Variants in UBE2L3 observed in about 807,000 individuals in gnomAD.
The protein encoded by UBE2L3 is ubiquitin-conjugating enzyme E2 L3.
UBE2L3 carries 1 observed loss-of-function variant against 17.8 expected under a neutral mutation model. The ratio of observed to expected loss-of-function variants is 0.06; its 90% CI spans 0.02 to 0.27. UBE2L3 has a LOEUF of 0.27. Among genes scored for constraint, UBE2L3 ranks in the 10% least tolerant of loss-of-function variants. The probability of loss-of-function intolerance (pLI) is 1.00; values close to 1 mark genes in which losing one functional copy is unlikely to be tolerated. For synonymous variants in UBE2L3, 44 were observed against 68.5 expected, an observed-to-expected ratio of 0.64 and a Z score of 1.76; for missense variants, 40 against 192.6, an observed-to-expected ratio of 0.21 and a Z score of 4.69.
At chr22:21,572,647 C>G (rs946452359) in intron 1 of UBE2L3, among the ~76,000 whole-genome samples, 1 of 152,076 alleles carries the variant, frequency 6.6e-6, no homozygotes, top group East Asian at 1.9e-4. Context: ...CATTTCTTTG[C>G]AGCTTCACAC....
intron 1 of UBE2L3, among the ~76,000 whole-genome samples, chr22:21,590,100 A>G (rs1215786335): frequency 6.6e-6 from 1 of 152,144 alleles, no homozygotes; most frequent in Non-Finnish European, 1.5e-5. Context: ...AGCAAGATAC[A>G]GTTTTTCACT....
upstream of UBE2L3, chr22:21,567,709 G>A (rs372195361): frequency 5.1e-6 from 8 of 1,570,912 alleles, no homozygotes; most frequent in Admixed American, 3.9e-5. Context: ...GGCCGGCCGC[G>A]ATGCATTCTG....
At chr22:21,555,658 G>T (rs759189429) in intron 1 of UBE2L3, among the ~76,000 whole-genome samples, 52 of 151,722 alleles carry the variant, frequency 3.4e-4, no homozygotes, top group Non-Finnish European at 6.5e-4. Flanking sequence ...TAGGCTGGGC[G>T]CTGTGACTCA....
intron 1 of UBE2L3, among the ~76,000 whole-genome samples, chr22:21,555,638 T>A (rs549528925): frequency 6.8e-6 from 1 of 147,358 alleles, no homozygotes; most frequent in Non-Finnish European, 1.5e-5. Flanking sequence ...AAAAAAAAAT[T>A]TTTTTTTTGT....
At position 21,604,950 on chromosome 22, in the gene UBE2L3, C is replaced by T. The variant is rs116282136; in HGVS notation, c.124-5907C>T. On this transcript the variant is annotated intron_variant, in intron 2 of 3. Coordinates refer to ENST00000342192, the MANE Select transcript of UBE2L3 (RefSeq NM_003347.4). ...CAGAACTGCTTCTTTTTTTTCCTTC[C>T]TCTTTTTGGAAGAAAAAAGAGGCAG... 8.0e-3 allele frequency among the ~76,000 whole-genome samples: 1,221 copies of T among 152,202 alleles called. 18 individuals carry two copies. The highest frequency in any genetic ancestry group is 0.027 in the African/African-American group (1,137 of 41,524).
intron 1 of UBE2L3, among the ~76,000 whole-genome samples, chr22:21,556,608 TTTTTTC>T (rs1926234717): frequency 1.3e-5 from 2 of 150,564 alleles, no homozygotes; most frequent in African/African-American, 5.0e-5. Flanking sequence ...TTTTCTTTTC[TTTTTTC>T]TTTTTTTTTT....
intron 3 of UBE2L3, among the ~76,000 whole-genome samples, chr22:21,615,914 T>C (rs888100376): frequency 7.9e-5 from 12 of 152,304 alleles, no homozygotes; most frequent in African/African-American, 2.4e-4. Flanking sequence ...GTGATTTTGC[T>C]TTGGCCCCAA....
chr22:21,598,425 G>A (rs1928672520), intron 2 of UBE2L3, among the ~76,000 whole-genome samples: 1 of 150,454 alleles, frequency 6.6e-6, no homozygotes, highest in South Asian at 2.1e-4. Context: ...AATTTCCCTT[G>A]TGATTTCTTC....
chr22:21,552,846 C>T (rs1926119737), intron 1 of UBE2L3, among the ~76,000 whole-genome samples: 1 of 130,690 alleles, frequency 7.7e-6, no homozygotes, highest in Non-Finnish European at 1.6e-5. Context: ...GCCTCAGCCT[C>T]TCAAGTAGCT....
At chr22:21,574,124 A>G (rs1461740184) in intron 1 of UBE2L3, among the ~76,000 whole-genome samples, 2 of 152,160 alleles carry the variant, frequency 1.3e-5, no homozygotes, top group Non-Finnish European at 2.9e-5. Context: ...GGCCAGCTTC[A>G]TCATGCCTGT....
chr22:21,560,969 G>T (rs1428066121), intron 1 of UBE2L3, among the ~76,000 whole-genome samples: 1 of 152,294 alleles, frequency 6.6e-6, no homozygotes, highest in Admixed American at 6.5e-5. Context: ...TAAGCACAGA[G>T]AATGGAGTAG....
intron 2 of UBE2L3, among the ~76,000 whole-genome samples, chr22:21,605,439 G>A (rs1409037676): frequency 6.6e-6 from 1 of 152,048 alleles, no homozygotes; most frequent in Non-Finnish European, 1.5e-5. Context: ...GGATGGTCTC[G>A]ATCTCCTGAT....
At chr22:21,566,006 T>C (rs1461164847), upstream of UBE2L3, among the ~76,000 whole-genome samples, 1 of 142,530 alleles carries the variant, frequency 7.0e-6, no homozygotes, top group African/African-American at 2.6e-5. Flanking sequence ...GGAGTCTCAC[T>C]CTGTCGCCCA....
At chr22:21,609,801 A>G (rs1929379753) in intron 2 of UBE2L3, among the ~76,000 whole-genome samples, 1 of 152,120 alleles carries the variant, frequency 6.6e-6, no homozygotes, top group Non-Finnish European at 1.5e-5. Context: ...CGAGGCAGGC[A>G]GATCACTTGA....
At chr22:21,562,197 TC>T (rs1168814069) in intron 1 of UBE2L3, among the ~76,000 whole-genome samples, 1 of 148,028 alleles carries the variant, frequency 6.8e-6, no homozygotes, top group African/African-American at 2.5e-5. Flanking sequence ...CTTTTTTTTT[TC>T]TTTTTTTTTT....
intron 1 of UBE2L3, among the ~76,000 whole-genome samples, chr22:21,588,236 C>G (rs1568977584): frequency 6.6e-6 from 1 of 152,126 alleles, no homozygotes; most frequent in African/African-American, 2.4e-5. Context: ...TTATCAGGTC[C>G]TTTCTTCTGT....
At chr22:21,569,395 C>CAAA (rs541227444) in intron 1 of UBE2L3, among the ~76,000 whole-genome samples, 95 of 86,152 alleles carry the variant, frequency 1.1e-3, no homozygotes, top group African/African-American at 3.2e-3. Flanking sequence ...GACTCCATGT[C>CAAA]AAAAAAAAAA....
intron 1 of UBE2L3, among the ~76,000 whole-genome samples, chr22:21,585,123 T>C (rs1042984955): frequency 6.6e-6 from 1 of 152,240 alleles, no homozygotes; most frequent in African/African-American, 2.4e-5. Flanking sequence ...GACATGGTCC[T>C]TGCTGTTCTT....
intron 3 of UBE2L3, among the ~76,000 whole-genome samples, chr22:21,614,357 G>C (rs2148445312): frequency 6.6e-6 from 1 of 151,590 alleles, no homozygotes; most frequent in East Asian, 2.0e-4. Context: ...TGGGAGGCTG[G>C]GGCAGGCAGA....
Sources: gnomAD v4.1 joint callset for allele counts (sites outside exome capture counted in the v4.1 genomes callset) on GRCh38, gnomAD v4.1.1 for gene constraint, MANE v1.5 for transcripts, NCBI Gene and HGNC (gene_info 2026-07-23, HGNC 2026-07-21) for gene names.